UBE2E2: variants seen among roughly 807,000 people sequenced by gnomAD.
UBE2E2 encodes the protein ubiquitin conjugating enzyme E2 E2.
UBE2E2 carries 6 observed loss-of-function variants against 24.7 expected under a neutral mutation model. The ratio of observed to expected loss-of-function variants is 0.24; its 90% confidence interval spans 0.13 to 0.48. UBE2E2 has a LOEUF of 0.48. Among genes scored for constraint, UBE2E2 ranks in the 20% least tolerant of loss-of-function variants. The pLI is 0.99. For synonymous variants in UBE2E2, 104 were observed against 83.6 expected, an observed-to-expected ratio of 1.24 and a Z score of -1.33; for missense variants, 169 against 245.0, an observed-to-expected ratio of 0.69 and a Z score of 2.07.
At chr3:23,302,426 T>G (rs1699123374) in intron 3 of UBE2E2, among the ~76,000 whole-genome samples, 1 of 152,194 alleles carries the variant, frequency 6.6e-6, no homozygotes, top group Non-Finnish European at 1.5e-5. Flanking sequence ...ATAGCTTCAT[T>G]TTTTTATTCC....
chr3:23,326,991 A>G (rs1021708624), intron 3 of UBE2E2, among the ~76,000 whole-genome samples: 4 of 152,210 alleles, frequency 2.6e-5, no homozygotes. Flanking sequence ...TGTCCCTGCA[A>G]AGGACATGAA....
intron 5 of UBE2E2, among the ~76,000 whole-genome samples, chr3:23,539,122 T>C (rs1695331238): frequency 6.6e-6 from 1 of 152,176 alleles, no homozygotes; most frequent in Non-Finnish European, 1.5e-5. Context: ...GATTGGTAGC[T>C]TCAGGTGAGG....
Position 23,563,063 on chromosome 3 carries a change from A to G in UBE2E2, c.509-26671A>G, listed in dbSNP as rs1028510390. 9.2e-5 allele frequency among the ~76,000 whole-genome samples: 14 copies of G among 151,354 alleles called. No homozygotes were observed. In the South Asian group the frequency reaches 1.0e-3, roughly 11 times the overall value. ...TTTTTGAAGGGTTTTTTGTGTCTCT[A>G]TCTCCTTCAGTTCTTCTCTGATCTT... On this transcript the variant is annotated intron_variant, in intron 5 of 5. Transcript: ENST00000396703.
intron 5 of UBE2E2, among the ~76,000 whole-genome samples, chr3:23,543,356 G>A (rs577573621): frequency 1.3e-5 from 2 of 152,234 alleles, no homozygotes; most frequent in South Asian, 2.1e-4. Context: ...AATGAAATCA[G>A]TAAAGTCTCA....
At chr3:23,317,371 T>G (rs970292334) in intron 3 of UBE2E2, among the ~76,000 whole-genome samples, 8 of 152,182 alleles carry the variant, frequency 5.3e-5, no homozygotes, top group African/African-American at 1.9e-4. Context: ...AGGGCATCAG[T>G]GAGTTCCAAT....
chr3:23,538,877 T>G (rs1455478175), intron 5 of UBE2E2, among the ~76,000 whole-genome samples: 3 of 152,196 alleles, frequency 2.0e-5, no homozygotes, highest in Non-Finnish European at 4.4e-5. Context: ...CTTTGTCAAT[T>G]CTGTAAAAAT....
intron 3 of UBE2E2, among the ~76,000 whole-genome samples, chr3:23,317,660 C>T (rs1413009071): frequency 6.6e-6 from 1 of 152,058 alleles, no homozygotes; most frequent in Non-Finnish European, 1.5e-5. Flanking sequence ...TGCAGGGAAA[C>T]TCCTCATTGT....
intron 3 of UBE2E2, among the ~76,000 whole-genome samples, chr3:23,234,200 C>CTTTTTTTTTTTTTTT (rs71051204): frequency 6.9e-6 from 1 of 144,140 alleles, no homozygotes; most frequent in Non-Finnish European, 1.5e-5. Context: ...TCTCTGTGCC[C>CTTTTTTTTTTTTTTT]TTTTTTTTTT....
chr3:23,499,496 T>TA, intron 3 of UBE2E2, 112 bp from the exon 4 acceptor site: 1 of 1,339,726 alleles, frequency 7.5e-7, no homozygotes, highest in South Asian at 1.5e-5. Context: ...GTTAACTGAT[T>TA]AACTTTTTGT....
chr3:23,396,305 A>T (rs978406460), intron 3 of UBE2E2, among the ~76,000 whole-genome samples: 14 of 120,548 alleles, frequency 1.2e-4, no homozygotes, highest in Admixed American at 5.6e-4. Context: ...TTTATTTTTT[A>T]TATATATATA....
Position 23,523,913 on chromosome 3 carries a change from G to T in UBE2E2, c.361-8641G>T, listed in dbSNP as rs986963754. ...ATGATGTTAACCATACCATTTTAGAGCTTTGTTACATGATTTACTGATTCA... is the reference window on the plus strand; with the variant it reads ...ATGATGTTAACCATACCATTTTAGATCTTTGTTACATGATTTACTGATTCA... On this transcript the variant is annotated intron_variant, in intron 4 of 5. Transcript: ENST00000396703. 2.7e-5 allele frequency among the ~76,000 whole-genome samples: 4 copies of T among 148,698 alleles called. No individual in the cohort carries two copies. In the East Asian group the frequency reaches 6.0e-4, roughly 22 times the overall value.
chr3:23,540,565 C>T (rs1051588652), intron 5 of UBE2E2, among the ~76,000 whole-genome samples: 1 of 152,050 alleles, frequency 6.6e-6, no homozygotes, highest in African/African-American at 2.4e-5. Context: ...CCACCACGCC[C>T]AGCTAATTTT....
chr3:23,248,434 A>C lies in UBE2E2; in HGVS notation c.227+31122A>C, dbSNP rs190597434. Among the ~76,000 whole-genome samples, 81 of 152,378 alleles carry C rather than the reference A, an allele frequency of 5.3e-4. 1 individual carries two copies. The highest frequency in any genetic ancestry group is 9.7e-4 in the Non-Finnish European group (66 of 68,038). On this transcript the variant is annotated intron_variant, in intron 3 of 5. Transcript: ENST00000396703. ...TGGAATTTTTAAATTGTTCCACAAA[A>C]AACTGAGTTCTGCTAGCTAAGTGGA...
At chr3:23,264,505 A>G (rs1328013631) in intron 3 of UBE2E2, among the ~76,000 whole-genome samples, 1 of 152,162 alleles carries the variant, frequency 6.6e-6, no homozygotes, top group African/African-American at 2.4e-5. Flanking sequence ...CTTCAACATC[A>G]TTCCTATATC....
chr3:23,426,299 T>TA (rs1697923031), intron 3 of UBE2E2, among the ~76,000 whole-genome samples: 2 of 147,136 alleles, frequency 1.4e-5, no homozygotes. Flanking sequence ...CCAAACGAAG[T>TA]AAAAAAGGAA....
intron 3 of UBE2E2, among the ~76,000 whole-genome samples, chr3:23,398,957 C>T (rs1043867633): frequency 2.6e-5 from 4 of 152,066 alleles, no homozygotes; most frequent in East Asian, 1.9e-4. Flanking sequence ...TGAAATTAGT[C>T]GCCCTTTATA....
intron 3 of UBE2E2, among the ~76,000 whole-genome samples, chr3:23,259,137 G>T (rs1166249631): frequency 6.6e-6 from 1 of 152,042 alleles, no homozygotes; most frequent in Non-Finnish European, 1.5e-5. Flanking sequence ...GTGGAACAGG[G>T]GCATAAATAT....
At chr3:23,300,289 A>G (rs1699035711) in intron 3 of UBE2E2, among the ~76,000 whole-genome samples, 3 of 152,022 alleles carry the variant, frequency 2.0e-5, no homozygotes, top group South Asian at 2.1e-4. Context: ...TTACATTTAA[A>G]GTTAATATTG....
chr3:23,322,726 G>A (rs1396225422), intron 3 of UBE2E2, among the ~76,000 whole-genome samples: 2 of 151,946 alleles, frequency 1.3e-5, no homozygotes, highest in East Asian at 3.8e-4. Context: ...CTAAAGGAAA[G>A]AACAAAAACC....
Sources: allele counts gnomAD v4.1 joint callset (sites outside exome capture counted in the v4.1 genomes callset), GRCh38; gene constraint gnomAD v4.1.1; transcripts MANE v1.5; gene names NCBI Gene and HGNC (gene_info 2026-07-23, HGNC 2026-07-21).